Variants in HSPH1 observed in about 807,000 individuals in gnomAD.
The protein encoded by HSPH1 is heat shock protein 105 kDa.
Under a neutral mutation model 100.0 loss-of-function variants are expected in HSPH1, and 40 were observed. The observed-to-expected ratio is 0.40, with a 90% CI of 0.31 to 0.52. HSPH1 has a LOEUF of 0.52. Ranked by LOEUF, HSPH1 falls within the 20% of genes least tolerant of loss-of-function variation. HSPH1 has a pLI of 0.54. For synonymous variants in HSPH1, 403 were observed against 344.0 expected (o/e 1.17, Z -1.90); for missense variants, 876 against 1,015.1 (o/e 0.86, Z 1.86).
Position 31,147,973 on chromosome 13 carries a change from G to C in HSPH1, c.1364C>G (p.Pro455Arg). ...FYSDPQGVPY[P>R]EAKIGRFVVQ... is the part of the protein sequence containing the mutation. ...GAACTCCTTACCTATTTTTGCTTCT[G>C]GATATGGAACTCCTTGGGGATCAGA... is the stretch of plus-strand genomic sequence containing the variant. The change falls in exon 10 of 18, where the codon CCA becomes CGA. Residue 455 changes from proline (P) to arginine (R), a missense_variant. Pro to Arg is a moderately radical substitution (Grantham distance 103, BLOSUM62 -2). Coordinates refer to ENST00000320027, the MANE Select transcript of HSPH1 (RefSeq NM_006644.4). 1 of 1,590,676 alleles carries C rather than the reference G, an allele frequency of 6.3e-7. No individual in the cohort carries two copies. The highest frequency in any genetic ancestry group is 8.5e-7 in the Non-Finnish European group (1 of 1,173,632).
At chr13:31,151,846 CAATT>C in intron 5 of HSPH1, 104 bp from the exon 6 acceptor site, 3 of 936,222 alleles carry the variant, frequency 3.2e-6, no homozygotes, top group Non-Finnish European at 4.8e-6. Flanking sequence ...TAACTTGAAA[CAATT>C]AAAGGTGAAC....
Position 31,135,003 on chromosome 13 carries a change from ATT to A in HSPH1, c.*2313_*2314del, listed in dbSNP as rs1289920615. ...TTAAAAATGGACGTTGTTTAGAAAT[ATT>A]GTCACAAAATGACAATTTAAAATGA... On this transcript the variant is annotated 3_prime_UTR_variant, in exon 18 of 18. Coordinates refer to ENST00000320027, the MANE Select transcript of HSPH1 (RefSeq NM_006644.4). The A allele has an allele frequency of 1.3e-5, 2 of 152,234 alleles. No homozygotes were observed. The highest frequency in any genetic ancestry group is 1.9e-4 in the East Asian group (1 of 5,202). The allele number at this position is 152,234 out of a possible 1,614,324, so 9.4% of individuals were successfully genotyped here.
In HSPH1 at chr13:31,136,157, T is replaced by C. The variant is rs1955877842; in HGVS notation, c.*1161A>G. 1 of 152,236 alleles carries C rather than the reference T, an allele frequency of 6.6e-6. No individual in the cohort carries two copies. Among genetic ancestry groups the C allele is most frequent in the African/African-American group, 2.4e-5 (1 of 41,458 alleles). The allele number at this position is 152,236 out of a possible 1,614,324, so 9.4% of individuals were successfully genotyped here. On this transcript the variant is annotated 3_prime_UTR_variant, in exon 18 of 18. Coordinates refer to ENST00000320027, the MANE Select transcript of HSPH1 (RefSeq NM_006644.4). The stretch of plus-strand genomic sequence containing the variant: ...CAGATAGATTCATTGCAGCATTATT[T>C]AGAACAGCAAAAATGAGAAACACCT...
At chr13:31,141,304 C>G (rs1325856488) in intron 12 of HSPH1, 45 bp from the exon 13 acceptor site, 2 of 1,511,968 alleles carry the variant, frequency 1.3e-6, no homozygotes, top group Non-Finnish European at 1.8e-6. Flanking sequence ...AAACAACCCA[C>G]TTGGAAAAAC....
At chr13:31,157,040 T>C (rs1248494102) in intron 2 of HSPH1, among the ~76,000 whole-genome samples, 3 of 152,230 alleles carry the variant, frequency 2.0e-5, no homozygotes, top group Non-Finnish European at 4.4e-5. Flanking sequence ...CAGTATATTA[T>C]TTACTTTTTC....
Position 31,155,613 on chromosome 13 carries a change from T to C in HSPH1, c.207A>G (p.Arg69=), listed in dbSNP as rs139980151. Residue 69 remains arginine (R), a synonymous_variant, in exon 3 of 18, where the codon AGA becomes AGG. Transcript: ENST00000320027. The part of the protein sequence containing the change: ...HANNTVSNFK[R]FHGRAFNDPF... Reference sequence around the variant, plus strand: ...GGTCATTGAATGCTCGGCCATGAAATCTTTTGAAGTTAGACACCGTATTGT... The same window carrying C: ...GGTCATTGAATGCTCGGCCATGAAACCTTTTGAAGTTAGACACCGTATTGT... 1.3e-5 allele frequency: 21 copies of C among 1,612,030 alleles called. No homozygotes were observed. The African/African-American group carries it at 2.3e-4, about 17-fold the overall frequency.
At chr13:31,149,865 A>T in intron 8 of HSPH1, 89 bp downstream of exon 8, 1 of 1,002,144 alleles carries the variant, frequency 1.0e-6, no homozygotes, top group Non-Finnish European at 1.6e-6. Context: ...ACCTAGACAC[A>T]GGTCTCTGTT....
intron 1 of HSPH1, among the ~76,000 whole-genome samples, chr13:31,161,057 G>C (rs985118295): frequency 2.0e-5 from 3 of 152,242 alleles, no homozygotes; most frequent in Non-Finnish European, 4.4e-5. Flanking sequence ...GGACAAGCTG[G>C]AGGCGGCTCA....
At chr13:31,140,621 T>A (rs1232964957) in intron 13 of HSPH1, 4 of 217,316 alleles carry the variant, frequency 1.8e-5, no homozygotes, top group African/African-American at 9.2e-5. Context: ...CAAATGGTTA[T>A]CCATATTCAG....
intron 4 of HSPH1, 28 bp downstream of exon 4, chr13:31,154,605 A>G: frequency 6.2e-7 from 1 of 1,613,676 alleles, no homozygotes; most frequent in Non-Finnish European, 8.5e-7. Context: ...ATGAAATAAA[A>G]CACACTGCCT....
At position 31,161,827 on chromosome 13, in the gene HSPH1, A is replaced by T; in HGVS notation, c.-245T>A. On this transcript the variant is annotated 5_prime_UTR_variant, in exon 1 of 18. Coordinates refer to ENST00000320027, the MANE Select transcript of HSPH1 (RefSeq NM_006644.4). ...GGAGAAAGCGGGGCTCAGCCTCCGC[A>T]GGTCGCTCCGCACCTCGGGTTGCCT... The T allele has an allele frequency of 6.8e-7, 1 of 1,477,166 alleles. No individual in the cohort carries two copies. Among genetic ancestry groups the T allele is most frequent in the South Asian group, 1.3e-5 (1 of 75,648 alleles). 91.5% of individuals were successfully genotyped at this position (1,477,166 alleles called of 1,614,324 possible). A position where few individuals can be genotyped will look rare whatever the true frequency, so the allele number is the denominator to read the frequency against.
Position 31,161,840 on chromosome 13 carries a change from C to A in HSPH1, c.-258G>T. The A allele has an allele frequency of 6.8e-7, 1 of 1,476,820 alleles. No individual in the cohort carries two copies. The highest frequency in any genetic ancestry group is 9.0e-7 in the Non-Finnish European group (1 of 1,115,388). 91.5% of individuals were successfully genotyped at this position (1,476,820 alleles called of 1,614,324 possible). On this transcript the variant is annotated 5_prime_UTR_variant, in exon 1 of 18. Coordinates refer to ENST00000320027, the MANE Select transcript of HSPH1 (RefSeq NM_006644.4). ...CTCAGCCTCCGCAGGTCGCTCCGCA[C>A]CTCGGGTTGCCTGCCTCACTCTGCC...
intron 8 of HSPH1, among the ~76,000 whole-genome samples, chr13:31,149,265 T>TACAA (rs1159859384): frequency 1.3e-5 from 2 of 152,152 alleles, no homozygotes; most frequent in East Asian, 3.8e-4. Context: ...TTTATAAGTA[T>TACAA]ACAAAGGCAG....
intron 15 of HSPH1, 33 bp from the exon 16 acceptor site, chr13:31,138,933 A>G (rs375030619): frequency 2.5e-6 from 4 of 1,572,330 alleles, no homozygotes; most frequent in Non-Finnish European, 3.5e-6. Context: ...AATAGTTATC[A>G]TAATTTTATT....
chr13:31,161,691 G>A lies in HSPH1; in HGVS notation c.-109C>T, dbSNP rs1395765821. 2 of 1,543,874 alleles carry A rather than the reference G, an allele frequency of 1.3e-6. No homozygotes were observed. Among genetic ancestry groups the A allele is most frequent in the African/African-American group, 2.7e-5 (2 of 73,362 alleles). The stretch of plus-strand genomic sequence containing the variant: ...CCCTGGCCGCGTTCTGCTCCGGCCC[G>A]CGGGGTCTGGCCGTTCCTCTGACAC... On this transcript the variant is annotated 5_prime_UTR_variant, in exon 1 of 18. Transcript: ENST00000320027.
chr13:31,155,630 C>A lies in HSPH1; in HGVS notation c.190G>T (p.Val64Leu), dbSNP rs756455325. The change falls in exon 3 of 18, where the codon GTG becomes TTG. Residue 64 changes from valine to leucine, a missense_variant. Transcript: ENST00000320027. Reference sequence around the variant, plus strand: ...CCATGAAATCTTTTGAAGTTAGACACCGTATTGTTTGCATGAGTGATTTGC... The same window carrying A: ...CCATGAAATCTTTTGAAGTTAGACAACGTATTGTTTGCATGAGTGATTTGC... ...NQQITHANNT[V>L]SNFKRFHGRA... 6.2e-7 allele frequency: 1 copy of A among 1,608,084 alleles called. No homozygotes were observed.
Position 31,161,852 on chromosome 13 carries a change from T to G in HSPH1, c.-270A>C. ...AGGTCGCTCCGCACCTCGGGTTGCCTGCCTCACTCTGCCGCGGCTCGCACA... is the reference window on the plus strand; with the variant it reads ...AGGTCGCTCCGCACCTCGGGTTGCCGGCCTCACTCTGCCGCGGCTCGCACA... On this transcript the variant is annotated 5_prime_UTR_variant, in exon 1 of 18. Transcript: ENST00000320027. 1 of 1,478,996 alleles carries G rather than the reference T, an allele frequency of 6.8e-7. No individual in the cohort carries two copies. The highest frequency in any genetic ancestry group is 9.0e-7 in the Non-Finnish European group (1 of 1,116,970). 91.6% of individuals were successfully genotyped at this position (1,478,996 alleles called of 1,614,324 possible).
intron 1 of HSPH1, among the ~76,000 whole-genome samples, chr13:31,160,765 C>T (rs543007205): frequency 6.6e-6 from 1 of 152,250 alleles, no homozygotes; most frequent in South Asian, 2.1e-4. Context: ...GTTTACAATT[C>T]CTCATGAATG....
At chr13:31,143,609 C>T (rs1416213059) in intron 12 of HSPH1, among the ~76,000 whole-genome samples, 183 bp downstream of exon 12, 1 of 152,072 alleles carries the variant, frequency 6.6e-6, no homozygotes, top group East Asian at 1.9e-4. Context: ...ATTCAATTCC[C>T]TTAATTGAGC....
Sources: allele counts gnomAD v4.1 joint callset (sites outside exome capture counted in the v4.1 genomes callset), GRCh38; gene constraint gnomAD v4.1.1; transcripts MANE v1.5; gene names NCBI Gene and HGNC (gene_info 2026-07-23, HGNC 2026-07-21).